ODR4: variants seen among roughly 807,000 people sequenced by gnomAD.
The protein encoded by ODR4 is odr-4 GPCR localization factor homolog, also known as protein odr-4 homolog.
ODR4 carries 47 observed loss-of-function variants against 60.2 expected under a neutral mutation model. The ratio of observed to expected loss-of-function variants is 0.78; its 90% CI spans 0.62 to 1.00. ODR4 has a LOEUF of 1.00. Among genes scored for constraint, ODR4 ranks in the 50% least tolerant of loss-of-function variants. ODR4 has a pLI of 0.00. For synonymous variants in ODR4, 178 were observed against 175.5 expected (o/e 1.01, Z -0.11); for missense variants, 488 against 530.8 (o/e 0.92, Z 0.79).
In ODR4 at chr1:186,375,987, A is replaced by T. The variant is rs767991145; in HGVS notation, c.-20+13A>T. On this transcript the variant is annotated intron_variant, in intron 1 of 13. Coordinates refer to ENST00000287859, the MANE Select transcript of ODR4 (RefSeq NM_017847.6). ...ATTCTGAAAACAGGTAAGTCAGCCTAAGTGTAGTGTGTGTGTGTGTGTGTG... is the reference window on the plus strand; with the variant it reads ...ATTCTGAAAACAGGTAAGTCAGCCTTAGTGTAGTGTGTGTGTGTGTGTGTG... 8 of 160,924 alleles carry T rather than the reference A, an allele frequency of 5.0e-5. No individual in the cohort carries two copies. Among genetic ancestry groups the T allele is most frequent in the Non-Finnish European group, 9.3e-5 (7 of 75,146 alleles). The allele number at this position is 160,924 out of a possible 1,614,324, so 10.0% of individuals were successfully genotyped here. A position where few individuals can be genotyped will look rare whatever the true frequency, so the allele number is the denominator to read the frequency against.
chr1:186,378,229 A>G (rs1659868290), intron 1 of ODR4, among the ~76,000 whole-genome samples: 1 of 152,190 alleles, frequency 6.6e-6, no homozygotes, highest in Non-Finnish European at 1.5e-5. Flanking sequence ...TATCAGATAT[A>G]CCACCCCAGC....
At position 186,402,729 on chromosome 1, in the gene ODR4, A is replaced by T. The variant is rs142419300; in HGVS notation, c.1001-3354A>T. ...CAGCCTCCCAGGTAGCTGGGACTACAAGCGCACAGCAGTATGCCTGAGTAA... is the reference window on the plus strand; with the variant it reads ...CAGCCTCCCAGGTAGCTGGGACTACTAGCGCACAGCAGTATGCCTGAGTAA... On this transcript the variant is annotated intron_variant, in intron 11 of 13. Transcript: ENST00000287859. Among the ~76,000 whole-genome samples, 143 of 152,246 alleles carry T rather than the reference A, an allele frequency of 9.4e-4. 5 individuals carry two copies. The highest frequency in any genetic ancestry group is 3.3e-3 in the African/African-American group (135 of 41,522).
At chr1:186,382,536 G>C (rs1660080347) in intron 2 of ODR4, among the ~76,000 whole-genome samples, 1 of 152,044 alleles carries the variant, frequency 6.6e-6, no homozygotes, top group Non-Finnish European at 1.5e-5. Context: ...AATCCCCTTT[G>C]TTATTCTGTG....
intron 5 of ODR4, 89 bp from the exon 6 acceptor site, chr1:186,389,499 T>C: frequency 3.0e-6 from 3 of 1,007,096 alleles, no homozygotes; most frequent in Non-Finnish European, 4.5e-6. Flanking sequence ...TTTGGATGCG[T>C]GCATTTTTTA....
intron 11 of ODR4, among the ~76,000 whole-genome samples, chr1:186,403,763 T>C (rs930657565): frequency 6.6e-6 from 1 of 152,188 alleles, no homozygotes; most frequent in African/African-American, 2.4e-5. Flanking sequence ...TTCACTGTTA[T>C]AAGTCTTCAT....
intron 6 of ODR4, among the ~76,000 whole-genome samples, chr1:186,390,510 T>A (rs1660424036): frequency 6.6e-6 from 1 of 152,214 alleles, no homozygotes; most frequent in Non-Finnish European, 1.5e-5. Context: ...TTGCCAAGGA[T>A]GTATTGAAGA....
intron 7 of ODR4, among the ~76,000 whole-genome samples, chr1:186,391,095 A>G (rs1406354555): frequency 6.6e-6 from 1 of 152,226 alleles, no homozygotes; most frequent in Non-Finnish European, 1.5e-5. Flanking sequence ...TAGACTAAAT[A>G]TACTAGTACT....
At chr1:186,422,083 C>T (rs2102107707), downstream of ODR4, among the ~76,000 whole-genome samples, 1 of 151,524 alleles carries the variant, frequency 6.6e-6, no homozygotes, top group South Asian at 2.1e-4. Flanking sequence ...TTTTTAAAAA[C>T]CCAACTAGGC....
chr1:186,381,376 G>A (rs1157104417), intron 2 of ODR4, among the ~76,000 whole-genome samples: 2 of 151,344 alleles, frequency 1.3e-5, no homozygotes, highest in Non-Finnish European at 2.9e-5. Flanking sequence ...GCCCAGGCTG[G>A]AGTGCAGTGG....
intron 11 of ODR4, among the ~76,000 whole-genome samples, chr1:186,404,971 T>C (rs1661117857): frequency 1.3e-5 from 2 of 152,218 alleles, no homozygotes; most frequent in African/African-American, 2.4e-5. Flanking sequence ...AAAGTAATTA[T>C]ATATTTACAT....
At chr1:186,382,706 A>G (rs1225138603) in intron 2 of ODR4, among the ~76,000 whole-genome samples, 2 of 152,240 alleles carry the variant, frequency 1.3e-5, no homozygotes, top group Non-Finnish European at 2.9e-5. Context: ...CTTTTTAGTT[A>G]ATGTAATTCA....
intron 8 of ODR4, among the ~76,000 whole-genome samples, chr1:186,392,394 A>G (rs1162131278): frequency 1.3e-5 from 2 of 152,264 alleles, no homozygotes; most frequent in South Asian, 2.1e-4. Flanking sequence ...CTAAATGCCC[A>G]TCAATGACAG....
chr1:186,380,375 T>A (rs1659977023), intron 2 of ODR4, among the ~76,000 whole-genome samples: 1 of 152,120 alleles, frequency 6.6e-6, no homozygotes, highest in African/African-American at 2.4e-5. Flanking sequence ...TTGTTGTTGT[T>A]GTTGGATCAA....
chr1:186,415,401 C>T (rs1438159984), intron 12 of ODR4, among the ~76,000 whole-genome samples: 1 of 152,132 alleles, frequency 6.6e-6, no homozygotes, highest in African/African-American at 2.4e-5. Flanking sequence ...CAACAATAGG[C>T]TATTTTACTT....
At chr1:186,404,597 A>G (rs1018134380) in intron 11 of ODR4, among the ~76,000 whole-genome samples, 3 of 152,214 alleles carry the variant, frequency 2.0e-5, no homozygotes, top group Non-Finnish European at 2.9e-5. Flanking sequence ...TTTTCGTGCT[A>G]CAGTACAAAT....
At position 186,420,376 on chromosome 1, in the gene ODR4, A is replaced by G. The variant is rs908557772; in HGVS notation, c.*1300A>G. 9 of 152,196 alleles carry G rather than the reference A, an allele frequency of 5.9e-5. No homozygotes were observed. Among genetic ancestry groups the G allele is most frequent in the Admixed American group, 6.5e-5 (1 of 15,274 alleles). The allele number at this position is 152,196 out of a possible 1,614,324, so 9.4% of individuals were successfully genotyped here. A position where few individuals can be genotyped will look rare whatever the true frequency, so the allele number is the denominator to read the frequency against. On this transcript the variant is annotated 3_prime_UTR_variant, in exon 14 of 14. Coordinates refer to ENST00000287859, the MANE Select transcript of ODR4 (RefSeq NM_017847.6). ...AGCTCCTGGCAGAAGCAAGAGGGAA[A>G]CATTCCTAATTTAGTTCCAAGATTC...
intron 12 of ODR4, among the ~76,000 whole-genome samples, chr1:186,414,745 C>T (rs1293283495): frequency 3.9e-5 from 6 of 152,138 alleles, no homozygotes; most frequent in Non-Finnish European, 7.4e-5. Flanking sequence ...TGATCTCGAT[C>T]TCCTGACCTC....
At chr1:186,404,008 C>T (rs952085179) in intron 11 of ODR4, among the ~76,000 whole-genome samples, 1 of 152,110 alleles carries the variant, frequency 6.6e-6, no homozygotes, top group Non-Finnish European at 1.5e-5. Context: ...TTCAACTGTG[C>T]TATCACCTAT....
intron 3 of ODR4, among the ~76,000 whole-genome samples, chr1:186,383,485 A>G (rs1660119407): frequency 1.3e-5 from 2 of 152,124 alleles, no homozygotes; most frequent in South Asian, 4.1e-4. Context: ...GAGGGAACTT[A>G]GAGGACAGGT....
Sources: gnomAD v4.1 joint callset for allele counts (sites outside exome capture counted in the v4.1 genomes callset) on GRCh38, gnomAD v4.1.1 for gene constraint, MANE v1.5 for transcripts, NCBI Gene and HGNC (gene_info 2026-07-23, HGNC 2026-07-21) for gene names.